The following STXBP6 variants were observed in gnomAD, a reference collection of about 807,000 sequenced individuals.
STXBP6 encodes syntaxin binding protein 6.
Under a neutral mutation model 26.9 loss-of-function variants are expected in STXBP6, and 21 were observed. The ratio of observed to expected loss-of-function variants is 0.78; its 90% CI spans 0.55 to 1.12. The LOEUF (loss-of-function observed/expected upper bound fraction) is 1.12. Among genes scored for constraint, STXBP6 ranks in the 50% most tolerant of loss-of-function variants. STXBP6 has a pLI of 0.00. For synonymous variants in STXBP6, 97 were observed against 92.6 expected (o/e 1.05, Z -0.27); for missense variants, 232 against 257.9 (o/e 0.90, Z 0.69).
intron 2 of STXBP6, among the ~76,000 whole-genome samples, chr14:24,926,678 T>C (rs972523383): frequency 1.3e-5 from 2 of 152,156 alleles, no homozygotes; most frequent in Non-Finnish European, 2.9e-5. Flanking sequence ...CATTTGTAGA[T>C]TGGCGAGTGT....
intron 2 of STXBP6, among the ~76,000 whole-genome samples, chr14:24,932,263 T>A (rs528126499): frequency 6.6e-6 from 1 of 152,242 alleles, no homozygotes; most frequent in African/African-American, 2.4e-5. Flanking sequence ...AAAAACTAGC[T>A]GGGCGTGGTA....
At chr14:24,897,409 C>CAAAAA (rs34542483) in intron 2 of STXBP6, among the ~76,000 whole-genome samples, 2 of 37,618 alleles carry the variant, frequency 5.3e-5, no homozygotes, top group African/African-American at 1.6e-4. Flanking sequence ...GACTCTGTCT[C>CAAAAA]AAAAAAAAAA....
In STXBP6 at chr14:24,812,487, G is replaced by A; in HGVS notation, c.*222C>T. On this transcript the variant is annotated 3_prime_UTR_variant, in exon 6 of 6. Transcript: ENST00000323944. ...GTGGGAGGAGGCAAAAACCCAAAAT[G>A]AAGCTGATGCTATTGTAGCATTTAT... 1.8e-6 allele frequency: 1 copy of A among 568,986 alleles called. No homozygotes were observed. The highest frequency in any genetic ancestry group is 3.1e-6 in the Non-Finnish European group (1 of 319,684). The allele number at this position is 568,986 out of a possible 1,614,324, so 35.2% of individuals were successfully genotyped here.
chr14:24,880,023 T>A (rs2070297879), intron 2 of STXBP6, among the ~76,000 whole-genome samples: 1 of 152,214 alleles, frequency 6.6e-6, no homozygotes, highest in Non-Finnish European at 1.5e-5. Flanking sequence ...TACCACTATG[T>A]TCGACAGTCA....
intron 4 of STXBP6, among the ~76,000 whole-genome samples, chr14:24,839,945 T>C (rs1309003575): frequency 6.6e-6 from 1 of 152,214 alleles, no homozygotes; most frequent in Non-Finnish European, 1.5e-5. Context: ...GAATTCCACC[T>C]GGCTGATCTT....
intron 1 of STXBP6, among the ~76,000 whole-genome samples, chr14:25,044,778 A>C (rs1232107176): frequency 6.6e-6 from 1 of 152,148 alleles, no homozygotes; most frequent in Non-Finnish European, 1.5e-5. Context: ...GATTCAGTAA[A>C]TCTCGCACTG....
intron 1 of STXBP6, among the ~76,000 whole-genome samples, chr14:25,046,669 A>C (rs940268926): frequency 5.3e-5 from 8 of 152,154 alleles, no homozygotes; most frequent in African/African-American, 1.9e-4. Context: ...CTCCTGACTC[A>C]AGCAGGCTCC....
Position 25,018,600 on chromosome 14 carries a change from T to C in STXBP6, c.-33+31278A>G, listed in dbSNP as rs74037457. On this transcript the variant is annotated intron_variant, in intron 1 of 5. Transcript: ENST00000323944. ...TCCTCAAGGGTGATTTTCAGAGTCATGAATGTTGGCATAGCAGGAAAAACC... is the reference window on the plus strand; with the variant it reads ...TCCTCAAGGGTGATTTTCAGAGTCACGAATGTTGGCATAGCAGGAAAAACC... Among the ~76,000 whole-genome samples the C allele has an allele frequency of 7.1e-3, 1,083 of 152,270 alleles. 13 individuals are homozygous for C. The highest frequency in any genetic ancestry group is 0.025 in the African/African-American group (1,019 of 41,550).
At chr14:24,839,770 A>T (rs762422155) in intron 4 of STXBP6, among the ~76,000 whole-genome samples, 2 of 152,202 alleles carry the variant, frequency 1.3e-5, no homozygotes, top group Non-Finnish European at 2.9e-5. Flanking sequence ...CTTCTTTACA[A>T]ATGAGAAAAC....
intron 2 of STXBP6, among the ~76,000 whole-genome samples, chr14:24,895,821 T>A (rs768450356): frequency 1.1e-4 from 17 of 152,192 alleles, no homozygotes; most frequent in Non-Finnish European, 2.1e-4. Flanking sequence ...GCCTAACCTC[T>A]CTGAGCATGA....
At chr14:24,916,376 A>C (rs1181123890) in intron 2 of STXBP6, among the ~76,000 whole-genome samples, 1 of 152,146 alleles carries the variant, frequency 6.6e-6, no homozygotes, top group Non-Finnish European at 1.5e-5. Flanking sequence ...CTGAGTCATG[A>C]TGTTGAGAAT....
chr14:24,921,060 C>T (rs1013827793), intron 2 of STXBP6, among the ~76,000 whole-genome samples: 1 of 152,134 alleles, frequency 6.6e-6, no homozygotes. Flanking sequence ...TAGTTTAAAA[C>T]AGGCTTGGCC....
At chr14:25,026,561 G>T (rs1566571365) in intron 1 of STXBP6, among the ~76,000 whole-genome samples, 1 of 152,208 alleles carries the variant, frequency 6.6e-6, no homozygotes, top group Non-Finnish European at 1.5e-5. Flanking sequence ...ACTCACATTT[G>T]TTCAAGTCCG....
chr14:25,049,876 A>C lies in STXBP6; in HGVS notation c.-33+2T>G. The C allele has an allele frequency of 1.0e-6, 1 of 985,148 alleles. No individual in the cohort carries two copies. Among genetic ancestry groups the C allele is most frequent in the Non-Finnish European group, 1.2e-6 (1 of 829,914 alleles). 61.0% of individuals were successfully genotyped at this position (985,148 alleles called of 1,614,324 possible). A position where few individuals can be genotyped will look rare whatever the true frequency, so the allele number is the denominator to read the frequency against. Reference sequence around the variant, plus strand: ...GCCTGGCTCCCCTCGCCCCGGTCCTACCGTGCAGCCTGGCTCGCGCCCCTG... The same window carrying C: ...GCCTGGCTCCCCTCGCCCCGGTCCTCCCGTGCAGCCTGGCTCGCGCCCCTG... On this transcript the variant is annotated splice_donor_variant, in intron 1 of 5. Transcript: ENST00000323944. LOFTEE classifies it low-confidence loss of function (5UTR_SPLICE). This position sits in a 1 kb window ranked among gnomAD's most constrained non-coding sequence, Gnocchi z 5.6.
intron 2 of STXBP6, among the ~76,000 whole-genome samples, chr14:24,862,357 GCAA>G (rs1452253252): frequency 6.6e-6 from 1 of 152,132 alleles, no homozygotes; most frequent in East Asian, 1.9e-4. Context: ...CAAAAGAACA[GCAA>G]CAACAAAAAC....
At chr14:25,000,678 TAGTC>T (rs2074737701) in intron 1 of STXBP6, among the ~76,000 whole-genome samples, 1 of 149,218 alleles carries the variant, frequency 6.7e-6, no homozygotes, top group Non-Finnish European at 1.5e-5. Context: ...AAATTATCTT[TAGTC>T]AGTTTTACAC....
intron 1 of STXBP6, among the ~76,000 whole-genome samples, chr14:24,997,073 T>C (rs919690913): frequency 6.6e-6 from 1 of 152,154 alleles, no homozygotes; most frequent in African/African-American, 2.4e-5. Context: ...ATTAAGTAAC[T>C]GACGTCCAGA....
intron 1 of STXBP6, among the ~76,000 whole-genome samples, chr14:24,979,997 C>T (rs1386907370): frequency 2.6e-5 from 4 of 152,066 alleles, no homozygotes; most frequent in African/African-American, 9.7e-5. Flanking sequence ...CAAAGAAACA[C>T]AATAATCTTA....
chr14:24,985,830 T>C (rs976052641), intron 1 of STXBP6, among the ~76,000 whole-genome samples: 2 of 152,200 alleles, frequency 1.3e-5, no homozygotes, highest in Non-Finnish European at 2.9e-5. Context: ...GCTTAAAAGT[T>C]TAATGCCTGG....
Sources: gnomAD v4.1 joint callset for allele counts (sites outside exome capture counted in the v4.1 genomes callset) on GRCh38, gnomAD v4.1.1 for gene constraint, Gnocchi (gnomAD v3.1) non-coding constraint, MANE v1.5 for transcripts, NCBI Gene and HGNC (gene_info 2026-07-23, HGNC 2026-07-21) for gene names.